ARL10: variants seen among roughly 807,000 people sequenced by gnomAD.
ARL10 encodes ADP-ribosylation factor-like protein 10.
Under a neutral mutation model 26.1 loss-of-function variants are expected in ARL10, and 23 were observed. That is an observed-to-expected ratio of 0.88 (90% CI 0.63 to 1.25). The LOEUF (loss-of-function observed/expected upper bound fraction) is 1.25, where lower values mean the gene tolerates loss of function less well. ARL10 is among the 50% of genes most tolerant of loss of function. The pLI, the probability that ARL10 is intolerant of heterozygous loss-of-function variation, is 0.00. For missense variants in ARL10, 300 were observed against 323.6 expected, an observed-to-expected ratio of 0.93 and a Z score of 0.56; for synonymous variants, 138 against 149.1, an observed-to-expected ratio of 0.93 and a Z score of 0.54.
At chr5:176,406,195 G>A (rs1757113487), downstream of ARL10, 1 of 995,898 alleles carries the variant, frequency 1.0e-6, no homozygotes, top group Non-Finnish European at 1.2e-6. Flanking sequence ...TGGCCAGGAG[G>A]GTTGGCAACC....
In ARL10 at chr5:176,372,131, T is replaced by C; in HGVS notation, c.*236T>C. 7.4e-7 allele frequency: 1 copy of C among 1,352,296 alleles called. No homozygotes were observed. 83.8% of individuals were successfully genotyped at this position (1,352,296 alleles called of 1,614,324 possible). Reference sequence around the variant, plus strand: ...GAGACAGAGGGTGGGGAGGATAGTGTCTGGCTCATTCCAGGCTGGAATGTG... The same window carrying C: ...GAGACAGAGGGTGGGGAGGATAGTGCCTGGCTCATTCCAGGCTGGAATGTG... On this transcript the variant is annotated 3_prime_UTR_variant, in exon 4 of 4. Transcript: ENST00000310389.
Position 176,375,179 on chromosome 5 carries a change from C to CCCATCCACCCATCCAT in ARL10, c.*3292_*3307dup, listed in dbSNP as rs1768656305. The CCCATCCACCCATCCAT allele has an allele frequency of 1.3e-5, 1 of 78,552 alleles. No homozygotes were observed. Among genetic ancestry groups the CCCATCCACCCATCCAT allele is most frequent in the African/African-American group, 4.7e-5 (1 of 21,354 alleles). 4.9% of individuals were successfully genotyped at this position (78,552 alleles called of 1,614,324 possible). ...ACCCATCCATCCACCCACCCACCCACCCATCCACCCATCCATCCATCCATC... is the reference window on the plus strand; with the variant it reads ...ACCCATCCATCCACCCACCCACCCACCCATCCACCCATCCATCCATCCACCCATCCATCCATCCATC... On this transcript the variant is annotated 3_prime_UTR_variant, in exon 4 of 4. Transcript: ENST00000310389.
rs988785012 is a variant in ARL10, at chr5:176,381,052, G to A, written c.*9157G>A. On this transcript the variant is annotated 3_prime_UTR_variant, in exon 4 of 4. Coordinates refer to ENST00000310389, the MANE Select transcript of ARL10 (RefSeq NM_173664.6). ...CAAAGTGCTGGGATTACAGGCATCAGCCACCACACCCAGCCCCATAATTCT... is the reference window on the plus strand; with the variant it reads ...CAAAGTGCTGGGATTACAGGCATCAACCACCACACCCAGCCCCATAATTCT... 1 of 152,156 alleles carries A rather than the reference G, an allele frequency of 6.6e-6. No homozygotes were observed. The highest frequency in any genetic ancestry group is 2.4e-5 in the African/African-American group (1 of 41,428). 9.4% of individuals were successfully genotyped at this position (152,156 alleles called of 1,614,324 possible).
At chr5:176,402,620 T>C (rs185916890), downstream of ARL10, among the ~76,000 whole-genome samples, 1,000 of 152,320 alleles carry the variant, frequency 6.6e-3, 9 homozygotes, top group Non-Finnish European at 0.011. Flanking sequence ...CCTGTTTCCA[T>C]ACAGCACCCA....
intron 3 of ARL10, among the ~76,000 whole-genome samples, chr5:176,371,242 G>C (rs182114143): frequency 6.6e-5 from 10 of 152,310 alleles, no homozygotes; most frequent in Admixed American, 5.9e-4. Context: ...AGGCGTGGTG[G>C]CTCACACCTG....
chr5:176,401,780 G>C (rs1429699641), exon 2 of ARL10: 1 of 456,176 alleles, frequency 2.2e-6, no homozygotes, highest in Admixed American at 2.4e-5. Context: ...AATTTCCCGA[G>C]GGTGCTGAGG....
chr5:176,384,005 C>T (rs770560037), downstream of ARL10: 21 of 1,536,272 alleles, frequency 1.4e-5, no homozygotes, highest in Non-Finnish European at 1.6e-5. Flanking sequence ...CTGAAAACAG[C>T]AGGTTCTGGC....
intron 1 of ARL10, among the ~76,000 whole-genome samples, chr5:176,396,696 C>T (rs920386617): frequency 3.9e-5 from 6 of 152,098 alleles, no homozygotes; most frequent in African/African-American, 1.2e-4. Flanking sequence ...ACCCACAGCC[C>T]CAAACAGGAG....
At chr5:176,393,420 A>AG (rs1372135923), downstream of ARL10, among the ~76,000 whole-genome samples, 7 of 152,224 alleles carry the variant, frequency 4.6e-5, no homozygotes, top group African/African-American at 1.7e-4. The surrounding 1 kb of genome is among the most constrained non-coding windows in gnomAD (Gnocchi z 4.4). Flanking sequence ...AGAAGCACCT[A>AG]GTTCAGCATT....
At chr5:176,402,692 A>G (rs1756885940), downstream of ARL10, among the ~76,000 whole-genome samples, 1 of 152,236 alleles carries the variant, frequency 6.6e-6, no homozygotes, top group South Asian at 2.1e-4. Context: ...ATAGATGTTC[A>G]GGCTTGGGGA....
At chr5:176,391,613 G>GA (rs1279348132), downstream of ARL10, among the ~76,000 whole-genome samples, 8 of 151,830 alleles carry the variant, frequency 5.3e-5, no homozygotes, top group Admixed American at 6.6e-5. Flanking sequence ...CCCTGTTTGA[G>GA]AAAAAAAACA....
At chr5:176,386,970 CT>C in intron 1 of ARL10, 1 of 1,428,386 alleles carries the variant, frequency 7.0e-7, no homozygotes, top group Non-Finnish European at 9.9e-7. Flanking sequence ...TTATAGACTC[CT>C]GCTTATCCCA....
chr5:176,376,188 T>TG lies in ARL10; in HGVS notation c.*4294dup, dbSNP rs1231909203. The TG allele has an allele frequency of 6.6e-6, 1 of 152,082 alleles. No homozygotes were observed. The highest frequency in any genetic ancestry group is 2.4e-5 in the African/African-American group (1 of 41,410). The allele number at this position is 152,082 out of a possible 1,614,324, so 9.4% of individuals were successfully genotyped here. ...AATCCTGGCTAACACAGTGAAACCC[T>TG]GTCTCTACTATAAAATACAAAAAAT... On this transcript the variant is annotated 3_prime_UTR_variant, in exon 4 of 4. Transcript: ENST00000310389.
At chr5:176,384,101 T>C, downstream of ARL10, 5 of 1,605,436 alleles carry the variant, frequency 3.1e-6, no homozygotes, top group Non-Finnish European at 4.2e-6. Context: ...CGTGTGTGTG[T>C]AACCTTCTGA....
downstream of ARL10, chr5:176,388,756 T>A: frequency 6.3e-7 from 1 of 1,577,668 alleles, no homozygotes; most frequent in East Asian, 2.2e-5. Context: ...CCCGCCCCTT[T>A]CATGACCTTC....
downstream of ARL10, chr5:176,389,837 T>C (rs1355254145): frequency 1.5e-5 from 3 of 199,202 alleles, no homozygotes; most frequent in Non-Finnish European, 3.1e-5. Context: ...AGAAATCGTG[T>C]AGTCTAGTGA....
intron 3 of ARL10, among the ~76,000 whole-genome samples, chr5:176,371,463 C>G (rs907762154): frequency 1.3e-5 from 2 of 152,166 alleles, no homozygotes; most frequent in African/African-American, 4.8e-5. Flanking sequence ...TGAGTTTAGG[C>G]CAAGGGGTCC....
the ARL10 span, among the ~76,000 whole-genome samples, chr5:176,412,554 T>G: frequency 1.3e-5 from 2 of 152,150 alleles, no homozygotes; most frequent in Admixed American, 1.3e-4. Flanking sequence ...GGAGGCCACA[T>G]GAGGTTAATA....
chr5:176,365,854 TG>T (rs1166667766), intron 1 of ARL10, 108 bp downstream of exon 1: 38 of 1,165,562 alleles, frequency 3.3e-5, no homozygotes, highest in Non-Finnish European at 3.8e-5. Flanking sequence ...GCCGGGAGCT[TG>T]GGGGGTCGAG....
Sources: gnomAD v4.1 joint callset for allele counts (sites outside exome capture counted in the v4.1 genomes callset) on GRCh38, gnomAD v4.1.1 for gene constraint, Gnocchi (gnomAD v3.1) non-coding constraint, MANE v1.5 for transcripts, NCBI Gene and HGNC (gene_info 2026-07-23, HGNC 2026-07-21) for gene names.